The following PPP1R16B variants were observed in gnomAD, a reference collection of about 807,000 sequenced individuals.
The protein encoded by PPP1R16B is protein phosphatase 1 regulatory inhibitor subunit 16B.
In PPP1R16B, 14 loss-of-function variants were observed where a neutral mutation model predicts 61.7. The observed-to-expected ratio is 0.23, with a 90% CI of 0.15 to 0.35. PPP1R16B has a LOEUF of 0.35. Among genes scored for constraint, PPP1R16B ranks in the 10% least tolerant of loss-of-function variants. The pLI, the probability that PPP1R16B is intolerant of heterozygous loss-of-function variation, is 1.00. For missense variants in PPP1R16B, 547 were observed against 752.5 expected (o/e 0.73, Z 3.19); for synonymous variants, 266 against 305.3 (o/e 0.87, Z 1.34).
chr20:38,906,964 C>A lies in PPP1R16B; in HGVS notation c.823-15C>A. 1.9e-6 allele frequency: 3 copies of A among 1,610,474 alleles called. No homozygotes were observed. Among genetic ancestry groups the A allele is most frequent in the Non-Finnish European group, 2.5e-6 (3 of 1,176,668 alleles). On this transcript the variant is annotated splice_polypyrimidine_tract_variant and intron_variant, in intron 7 of 10. Coordinates refer to ENST00000299824, the MANE Select transcript of PPP1R16B (RefSeq NM_015568.4). The stretch of plus-strand genomic sequence containing the variant: ...TCTGGGCAGGGGGACACATGAGCTT[C>A]TTCCTGTGTTTCAGATGCAGATGGC...
chr20:38,898,088 A>C (rs192394411), intron 4 of PPP1R16B, among the ~76,000 whole-genome samples: 2 of 152,202 alleles, frequency 1.3e-5, no homozygotes, highest in East Asian at 3.9e-4. Context: ...GTTTTGTTCT[A>C]TGTTTTCTCC....
intron 2 of PPP1R16B, among the ~76,000 whole-genome samples, chr20:38,874,972 G>A (rs551234666): frequency 2.0e-5 from 3 of 152,318 alleles, no homozygotes; most frequent in African/African-American, 7.2e-5. Flanking sequence ...TCAGGGCTGG[G>A]CAACAGCAAG....
Position 38,859,605 on chromosome 20 carries a change from C to T in PPP1R16B, c.250+23430C>T, listed in dbSNP as rs1424448818. On this transcript the variant is annotated intron_variant, in intron 2 of 10. Coordinates refer to ENST00000299824, the MANE Select transcript of PPP1R16B (RefSeq NM_015568.4). ...CTCCTGGCCTCAAGCTGTCTTCCCA[C>T]CTCAACCTCCCAAGTAGCTAGGACT... 4.6e-5 allele frequency among the ~76,000 whole-genome samples: 7 copies of T among 152,340 alleles called. 1 individual carries two copies. The South Asian group carries it at 1.0e-3, about 23-fold the overall frequency.
intron 4 of PPP1R16B, among the ~76,000 whole-genome samples, chr20:38,895,959 T>TTCTTTCTTCCCTCCCTCCCTCCTTC (rs2085337983): frequency 6.6e-5 from 2 of 30,384 alleles, no homozygotes; most frequent in Admixed American, 6.7e-4. Flanking sequence ...CTCCCTCCTT[T>TTCTTTCTTCCCTCCCTCCCTCCTTC]CTTCTTTCTT....
chr20:38,816,705 G>A (rs2084738068), intron 1 of PPP1R16B, among the ~76,000 whole-genome samples: 1 of 152,204 alleles, frequency 6.6e-6, no homozygotes, highest in Admixed American at 6.5e-5. Flanking sequence ...AATCAGCGCT[G>A]TGGAATGAAC....
rs780547869 is a variant in PPP1R16B at position 38,918,567 on chromosome 20, A to T, written c.1605A>T (p.Val535=). ...CGTACAGCAGCAATGGGACCTCGGT[A>T]TATTACACGGTCACCAGCGGAGATC... ...TSPYSSNGTS[V]YYTVTSGDPP... The change falls in exon 11 of 11, where the codon GTA becomes GTT. Residue 535 remains valine (V), a synonymous_variant. Coordinates refer to ENST00000299824, the MANE Select transcript of PPP1R16B (RefSeq NM_015568.4). This position sits in a 1 kb window ranked among gnomAD's most constrained non-coding sequence, Gnocchi z 5.3. 3 of 1,553,026 alleles carry T rather than the reference A, an allele frequency of 1.9e-6. No individual in the cohort carries two copies. The highest frequency in any genetic ancestry group is 1.7e-6 in the Non-Finnish European group (2 of 1,149,274).
intron 2 of PPP1R16B, among the ~76,000 whole-genome samples, chr20:38,856,536 A>G (rs971509236): frequency 1.1e-4 from 17 of 152,262 alleles, no homozygotes; most frequent in African/African-American, 3.9e-4. Flanking sequence ...CTCTTCTCTC[A>G]GCCCCTCAAA....
At chr20:38,886,044 G>A (rs897723156) in intron 2 of PPP1R16B, among the ~76,000 whole-genome samples, 1 of 152,128 alleles carries the variant, frequency 6.6e-6, no homozygotes, top group Non-Finnish European at 1.5e-5. Flanking sequence ...CCAAAGTGCT[G>A]GAATTACAGG....
At chr20:38,836,683 G>T (rs181477176) in intron 2 of PPP1R16B, among the ~76,000 whole-genome samples, 1 of 152,090 alleles carries the variant, frequency 6.6e-6, no homozygotes, top group Non-Finnish European at 1.5e-5. Flanking sequence ...AAACATCTTC[G>T]TTCATTTGTT....
At chr20:38,901,802 G>A (rs2085396081) in intron 5 of PPP1R16B, among the ~76,000 whole-genome samples, 1 of 152,214 alleles carries the variant, frequency 6.6e-6, no homozygotes, top group Non-Finnish European at 1.5e-5. Flanking sequence ...TTTTCAATGT[G>A]TTAGATAGAA....
chr20:38,846,468 T>C (rs921358872), intron 2 of PPP1R16B, among the ~76,000 whole-genome samples: 2 of 152,020 alleles, frequency 1.3e-5, no homozygotes, highest in African/African-American at 4.8e-5. Flanking sequence ...AAACCAGGAA[T>C]AGTGTGGCAT....
intron 2 of PPP1R16B, among the ~76,000 whole-genome samples, chr20:38,884,671 C>T (rs1384133428): frequency 6.6e-6 from 1 of 152,126 alleles, no homozygotes; most frequent in African/African-American, 2.4e-5. Flanking sequence ...CGTGGTTGTG[C>T]GTGCGCCTGG....
At chr20:38,818,349 G>T (rs867944769) in intron 1 of PPP1R16B, among the ~76,000 whole-genome samples, 1 of 152,146 alleles carries the variant, frequency 6.6e-6, no homozygotes, top group East Asian at 1.9e-4. Context: ...AGTCCTGTTC[G>T]GTGCAGCTGG....
At chr20:38,842,513 C>T (rs1055789251) in intron 2 of PPP1R16B, among the ~76,000 whole-genome samples, 1 of 152,172 alleles carries the variant, frequency 6.6e-6, no homozygotes, top group Non-Finnish European at 1.5e-5. Context: ...AAATTTAACT[C>T]TTATTAAATT....
rs2085326798 is a variant in PPP1R16B at position 38,895,476 on chromosome 20, G to T, written c.322-89G>T. Reference sequence around the variant, plus strand: ...CAGGCCTTCCACAGTCTTCCTCATGGCCTCTTGCGGGGAACCTGGTGTGTC... The same window carrying T: ...CAGGCCTTCCACAGTCTTCCTCATGTCCTCTTGCGGGGAACCTGGTGTGTC... On this transcript the variant is annotated intron_variant, in intron 3 of 10. Transcript: ENST00000299824. 4 of 1,430,284 alleles carry T rather than the reference G, an allele frequency of 2.8e-6. No individual in the cohort carries two copies. In the East Asian group the frequency reaches 6.9e-5, roughly 25 times the overall value. 88.6% of individuals were successfully genotyped at this position (1,430,284 alleles called of 1,614,324 possible).
At chr20:38,860,485 G>A (rs558570114) in intron 2 of PPP1R16B, among the ~76,000 whole-genome samples, 46 of 152,358 alleles carry the variant, frequency 3.0e-4, no homozygotes, top group African/African-American at 1.0e-3. Flanking sequence ...GGCCACACAT[G>A]GCTCGTAGTC....
chr20:38,906,196 T>C, intron 7 of PPP1R16B, 102 bp downstream of exon 7: 1 of 1,313,726 alleles, frequency 7.6e-7, no homozygotes, highest in Non-Finnish European at 1.0e-6. Flanking sequence ...CATAAGACTT[T>C]AAGGCTTAAG....
chr20:38,892,146 C>A (rs61293160), intron 3 of PPP1R16B, among the ~76,000 whole-genome samples: 3,545 of 152,182 alleles, frequency 0.023, 137 homozygotes, highest in African/African-American at 0.08. Context: ...TCTGTGGGCA[C>A]CACAGCTGCA....
intron 2 of PPP1R16B, among the ~76,000 whole-genome samples, chr20:38,859,875 T>G (rs1021623200): frequency 4.6e-5 from 7 of 152,222 alleles, no homozygotes; most frequent in Non-Finnish European, 1.0e-4. Context: ...TATATTTTAT[T>G]TAATCCAATA....
Sources: allele counts gnomAD v4.1 joint callset (sites outside exome capture counted in the v4.1 genomes callset), GRCh38; gene constraint gnomAD v4.1.1; non-coding constraint Gnocchi (gnomAD v3.1); transcripts MANE v1.5; gene names NCBI Gene and HGNC (gene_info 2026-07-23, HGNC 2026-07-21).